Variants in OSTN observed in about 807,000 individuals in gnomAD.
The protein encoded by OSTN is osteocrin.
In OSTN, 9 loss-of-function variants were observed where a neutral mutation model predicts 12.0. That is an observed-to-expected ratio of 0.75 (90% CI 0.45 to 1.30). The LOEUF (loss-of-function observed/expected upper bound fraction) is 1.30, where lower values mean the gene tolerates loss of function less well. OSTN is among the 50% of genes most tolerant of loss of function. OSTN has a pLI of 0.00. For synonymous variants in OSTN, 59 were observed against 56.9 expected (o/e 1.04, Z -0.16); for missense variants, 148 against 152.3 (o/e 0.97, Z 0.15).
At chr3:191,214,388 C>T (rs1192104668) in intron 2 of OSTN, among the ~76,000 whole-genome samples, 2 of 125,480 alleles carry the variant, frequency 1.6e-5, no homozygotes, top group Non-Finnish European at 3.1e-5. Flanking sequence ...GCAGAGGTTG[C>T]AGTGAGCCAA....
intron 3 of OSTN, chr3:191,228,902 G>A (rs1365440193): frequency 6.6e-6 from 1 of 152,158 alleles, no homozygotes; most frequent in East Asian, 1.9e-4. Flanking sequence ...CTAATGAAAT[G>A]ATGGATCTAG....
chr3:191,252,852 G>A (rs1486966806), intron 4 of OSTN, among the ~76,000 whole-genome samples: 2 of 152,118 alleles, frequency 1.3e-5, no homozygotes, highest in African/African-American at 4.8e-5. Flanking sequence ...TTAAACAGGG[G>A]ATGTATCATT....
At chr3:191,250,776 C>T (rs1003131121) in intron 4 of OSTN, among the ~76,000 whole-genome samples, 1 of 152,148 alleles carries the variant, frequency 6.6e-6, no homozygotes, top group African/African-American at 2.4e-5. Flanking sequence ...ACAATACATG[C>T]AAGTGATAGT....
chr3:191,238,591 G>A (rs1415407348), intron 3 of OSTN, among the ~76,000 whole-genome samples: 1 of 152,202 alleles, frequency 6.6e-6, no homozygotes, highest in African/African-American at 2.4e-5. Flanking sequence ...ACAAAAGGAA[G>A]GCAGTAGTAT....
In OSTN at chr3:191,200,425, C is replaced by T. The variant is rs1024806039; in HGVS notation, c.-1+1118C>T. Among the ~76,000 whole-genome samples the T allele has an allele frequency of 9.2e-5, 14 of 152,158 alleles. No homozygotes were observed. The South Asian group carries it at 1.0e-3, about 11-fold the overall frequency. On this transcript the variant is annotated intron_variant, in intron 1 of 4. Transcript: ENST00000682035. ...GCAGATATCTTCAGTTGACTGGGCA[C>T]GGGAACCTCAGGGCTATAATTTTAA...
chr3:191,247,452 G>A (rs9850668), intron 3 of OSTN, among the ~76,000 whole-genome samples: 43,918 of 151,946 alleles, frequency 0.29, 7,913 homozygotes, highest in Middle Eastern at 0.51. Flanking sequence ...TTTTTTCCTA[G>A]TTTTTTTCTC....
chr3:191,255,972 CT>C (rs1343306714), intron 4 of OSTN, among the ~76,000 whole-genome samples: 1 of 151,996 alleles, frequency 6.6e-6, no homozygotes, highest in Non-Finnish European at 1.5e-5. Context: ...TACAAAAGTA[CT>C]TTCCATGAAT....
intron 4 of OSTN, among the ~76,000 whole-genome samples, chr3:191,250,881 A>G (rs1350402708): frequency 6.6e-6 from 1 of 152,162 alleles, no homozygotes; most frequent in African/African-American, 2.4e-5. Flanking sequence ...TCATAAAGCA[A>G]TACTATCACT....
chr3:191,211,257 G>A (rs185962368), intron 1 of OSTN, among the ~76,000 whole-genome samples: 33 of 152,014 alleles, frequency 2.2e-4, no homozygotes, highest in Non-Finnish European at 4.3e-4. Flanking sequence ...TATACTTTCC[G>A]TTTCTCCACA....
intron 3 of OSTN, among the ~76,000 whole-genome samples, chr3:191,235,818 C>T (rs1165675964): frequency 6.6e-6 from 1 of 152,166 alleles, no homozygotes; most frequent in Non-Finnish European, 1.5e-5. Context: ...AAACCCACAT[C>T]CTTGACTCTC....
chr3:191,216,630 A>G (rs557659638), intron 2 of OSTN, among the ~76,000 whole-genome samples: 94 of 152,328 alleles, frequency 6.2e-4, no homozygotes, highest in Middle Eastern at 3.4e-3. Context: ...CTTCTGCCAG[A>G]TACCCTAAAC....
Position 191,265,393 on chromosome 3 carries a change from T to C in OSTN, c.*2540T>C, listed in dbSNP as rs1481168152. The C allele has an allele frequency of 6.6e-6, 1 of 152,234 alleles. No individual in the cohort carries two copies. The highest frequency in any genetic ancestry group is 2.4e-5 in the African/African-American group (1 of 41,462). The allele number at this position is 152,234 out of a possible 1,614,324, so 9.4% of individuals were successfully genotyped here. On this transcript the variant is annotated 3_prime_UTR_variant, in exon 5 of 5. Coordinates refer to ENST00000682035, the MANE Select transcript of OSTN (RefSeq NM_198184.2). Reference sequence around the variant, plus strand: ...TTACTGGCTATGTTGTCCTAAAATTTACACACACTAAAAAATGTCTGTCAA... The same window carrying C: ...TTACTGGCTATGTTGTCCTAAAATTCACACACACTAAAAAATGTCTGTCAA...
At chr3:191,243,738 A>G (rs1409685063) in intron 3 of OSTN, among the ~76,000 whole-genome samples, 1 of 152,174 alleles carries the variant, frequency 6.6e-6, no homozygotes, top group Non-Finnish European at 1.5e-5. Flanking sequence ...AATTTCAAGT[A>G]TACATTATTA....
intron 3 of OSTN, among the ~76,000 whole-genome samples, chr3:191,244,926 A>C (rs2108549007): frequency 6.6e-6 from 1 of 152,206 alleles, no homozygotes; most frequent in South Asian, 2.1e-4. Context: ...TAAAACCATG[A>C]GTTACTATTT....
At chr3:191,242,008 T>A (rs1483310198) in intron 3 of OSTN, among the ~76,000 whole-genome samples, 1 of 151,238 alleles carries the variant, frequency 6.6e-6, no homozygotes, top group Non-Finnish European at 1.5e-5. Flanking sequence ...GCAATGTATT[T>A]AAAAAAAAAT....
intron 3 of OSTN, among the ~76,000 whole-genome samples, chr3:191,224,008 ATAACT>A (rs1194136477): frequency 6.6e-6 from 1 of 152,176 alleles, no homozygotes; most frequent in Non-Finnish European, 1.5e-5. Flanking sequence ...AGAAAAAAAA[ATAACT>A]TAAAAATGAA....
At chr3:191,260,245 G>T (rs945576734) in intron 4 of OSTN, among the ~76,000 whole-genome samples, 2 of 151,178 alleles carry the variant, frequency 1.3e-5, no homozygotes, top group Non-Finnish European at 2.9e-5. Context: ...TAACTTAAAG[G>T]ATCCGTCTTC....
At chr3:191,216,251 G>A (rs1714607895) in intron 2 of OSTN, among the ~76,000 whole-genome samples, 1 of 152,194 alleles carries the variant, frequency 6.6e-6, no homozygotes, top group African/African-American at 2.4e-5. Flanking sequence ...TCCCAAGACT[G>A]CATAAAGCAG....
At chr3:191,236,820 G>A (rs1165585794) in intron 3 of OSTN, among the ~76,000 whole-genome samples, 1 of 152,034 alleles carries the variant, frequency 6.6e-6, no homozygotes, top group East Asian at 1.9e-4. Flanking sequence ...CTGACCTTCT[G>A]GGAATGCAGT....
Sources: gnomAD v4.1 joint callset for allele counts (sites outside exome capture counted in the v4.1 genomes callset) on GRCh38, gnomAD v4.1.1 for gene constraint, MANE v1.5 for transcripts, NCBI Gene and HGNC (gene_info 2026-07-23, HGNC 2026-07-21) for gene names.